The following SAMMSON variants were observed in gnomAD, a reference collection of about 807,000 sequenced individuals.
The protein encoded by SAMMSON is survival associated mitochondrial melanoma specific oncogenic non-coding RNA.
chr3:70,267,118 G>C (rs1241708836), intron 6 of SAMMSON, among the ~76,000 whole-genome samples: 1 of 152,180 alleles, frequency 6.6e-6, no homozygotes, highest in East Asian at 1.9e-4. Context: ...GGGTGGGAAG[G>C]AGAATAGGAA....
intron 7 of SAMMSON, among the ~76,000 whole-genome samples, chr3:70,312,154 A>G (rs1489361379): frequency 6.6e-6 from 1 of 152,214 alleles, no homozygotes; most frequent in African/African-American, 2.4e-5. Context: ...TAAAACATTG[A>G]CATTGAAAAC....
At chr3:70,238,237 A>C (rs1231641547) in intron 4 of SAMMSON, among the ~76,000 whole-genome samples, 1 of 151,824 alleles carries the variant, frequency 6.6e-6, no homozygotes, top group Non-Finnish European at 1.5e-5. Context: ...TGGGAGTAAC[A>C]GTTCTCTCCT....
At chr3:70,254,587 TCATACTTAGCAA>T (rs1701797188) in intron 6 of SAMMSON, among the ~76,000 whole-genome samples, 1 of 152,172 alleles carries the variant, frequency 6.6e-6, no homozygotes, top group South Asian at 2.1e-4. Flanking sequence ...GCAGAGGTTA[TCATACTTAGCAA>T]ACCAAAAGTG....
chr3:70,162,441 C>G (rs980617195), intron 4 of SAMMSON, among the ~76,000 whole-genome samples: 1 of 151,762 alleles, frequency 6.6e-6, no homozygotes, highest in Non-Finnish European at 1.5e-5. Flanking sequence ...TGTTTGTGGA[C>G]TTTACAATTT....
rs537184184 is a variant in SAMMSON, at chr3:70,119,042, T to C, written n.507+47477T>C. Among the ~76,000 whole-genome samples, 12 of 152,306 alleles carry C rather than the reference T, an allele frequency of 7.9e-5. No homozygotes were observed. In the South Asian group the frequency reaches 2.5e-3, roughly 32 times the overall value. ...TCCTCGTGTTCATGTCATTGGGGTT[T>C]TGTAAGAAAACTACTCTTATTTATT... is the stretch of plus-strand genomic sequence containing the variant. On this transcript the variant is annotated intron_variant and non_coding_transcript_variant, in intron 4 of 9. Coordinates refer to ENST00000642114, the Ensembl canonical transcript of SAMMSON.
chr3:70,029,820 G>A (rs760640142), intron 3 of SAMMSON, among the ~76,000 whole-genome samples: 1 of 151,572 alleles, frequency 6.6e-6, no homozygotes, highest in African/African-American at 2.4e-5. Context: ...GGTCCTTTGG[G>A]GTATAATTTT....
intron 6 of SAMMSON, among the ~76,000 whole-genome samples, chr3:70,255,535 C>A (rs999544161): frequency 6.6e-6 from 1 of 152,122 alleles, no homozygotes; most frequent in Non-Finnish European, 1.5e-5. Flanking sequence ...GATCCTCCTG[C>A]CTCAGTCCTG....
intron 4 of SAMMSON, among the ~76,000 whole-genome samples, chr3:70,214,358 A>G (rs1234939738): frequency 6.6e-6 from 1 of 152,126 alleles, no homozygotes; most frequent in African/African-American, 2.4e-5. Flanking sequence ...GAAACGTTAG[A>G]TGAAATGTTT....
At chr3:70,122,240 C>T (rs567179190) in intron 4 of SAMMSON, among the ~76,000 whole-genome samples, 6 of 152,184 alleles carry the variant, frequency 3.9e-5, no homozygotes, top group South Asian at 2.1e-4. Flanking sequence ...TCACCCAGGC[C>T]GGAGTGTAGT....
At chr3:70,322,483 G>A (rs1414429750) in intron 7 of SAMMSON, among the ~76,000 whole-genome samples, 4 of 151,924 alleles carry the variant, frequency 2.6e-5, no homozygotes, top group South Asian at 2.1e-4. Flanking sequence ...GCTTTCTTTC[G>A]TCCAGTACTT....
At chr3:70,090,323 G>A (rs935393522) in intron 4 of SAMMSON, among the ~76,000 whole-genome samples, 1 of 152,118 alleles carries the variant, frequency 6.6e-6, no homozygotes, top group African/African-American at 2.4e-5. Context: ...TGGTAGCACA[G>A]CAACTCCAGA....
At chr3:70,420,161 A>C (rs1015651661) in intron 2 of SAMMSON, among the ~76,000 whole-genome samples, 2 of 152,174 alleles carry the variant, frequency 1.3e-5, no homozygotes, top group East Asian at 3.9e-4. Context: ...ATAAACTGGT[A>C]ATAGAACTAT....
At chr3:70,124,658 GA>G (rs1206152826) in intron 4 of SAMMSON, among the ~76,000 whole-genome samples, 1 of 151,122 alleles carries the variant, frequency 6.6e-6, no homozygotes, top group African/African-American at 2.4e-5. Context: ...TAAAAATACA[GA>G]AAAAAATTAG....
At chr3:70,380,827 AATG>A (rs1559576997) in intron 9 of SAMMSON, among the ~76,000 whole-genome samples, 1 of 152,026 alleles carries the variant, frequency 6.6e-6, no homozygotes, top group African/African-American at 2.4e-5. Flanking sequence ...GTTTGCTGAG[AATG>A]ATGGTTTCCA....
At chr3:70,084,298 G>A (rs925081993) in intron 4 of SAMMSON, among the ~76,000 whole-genome samples, 14 of 152,152 alleles carry the variant, frequency 9.2e-5, no homozygotes, top group Admixed American at 9.2e-4. Context: ...AATCATGTAA[G>A]GGTAAAGTGG....
chr3:70,408,917 G>C (rs1701196737), intron 2 of SAMMSON, among the ~76,000 whole-genome samples: 1 of 152,176 alleles, frequency 6.6e-6, no homozygotes, highest in Admixed American at 6.5e-5. Context: ...CCTGGCTGGG[G>C]AAGCCTCAGA....
intron 4 of SAMMSON, among the ~76,000 whole-genome samples, chr3:70,105,572 C>T (rs2106657176): frequency 6.6e-6 from 1 of 152,198 alleles, no homozygotes. Flanking sequence ...AGGCTGACTC[C>T]CATGTGGAAG....
chr3:70,144,405 C>T (rs1300214026), intron 4 of SAMMSON, among the ~76,000 whole-genome samples: 1 of 152,006 alleles, frequency 6.6e-6, no homozygotes, highest in African/African-American at 2.4e-5. Context: ...TTTCTGAATG[C>T]TTTTCTGATC....
intron 1 of SAMMSON, chr3:69,999,998 T>A (rs1224357046): frequency 6.6e-6 from 1 of 152,250 alleles, no homozygotes; most frequent in African/African-American, 2.4e-5. Flanking sequence ...TTTGCACTCA[T>A]TCTCCAAGCC....
Sources: gnomAD v4.1 joint callset for allele counts (sites outside exome capture counted in the v4.1 genomes callset) on GRCh38, gnomAD v4.1.1 for gene constraint, MANE v1.5 for transcripts, NCBI Gene and HGNC (gene_info 2026-07-23, HGNC 2026-07-21) for gene names.